Variants in PDE1A observed in about 807,000 individuals in gnomAD.
PDE1A encodes the protein dual specificity calcium/calmodulin-dependent 3',5'-cyclic nucleotide phosphodiesterase 1A.
In PDE1A, 35 loss-of-function variants were observed where a neutral mutation model predicts 61.7. That is an observed-to-expected ratio of 0.57 (90% CI 0.43 to 0.75). PDE1A has a LOEUF of 0.75. PDE1A is among the 30% of genes least tolerant of loss of function. The pLI is 0.00. For synonymous variants in PDE1A, 232 were observed against 213.2 expected (o/e 1.09, Z -0.77); for missense variants, 597 against 630.6 (o/e 0.95, Z 0.57).
chr2:182,577,804 C>G, the PDE1A span, among the ~76,000 whole-genome samples: 20 of 152,218 alleles, frequency 1.3e-4, no homozygotes, highest in South Asian at 4.1e-3. Context: ...CCTGTAATCC[C>G]AGCTACTCAG....
intron 2 of PDE1A, among the ~76,000 whole-genome samples, chr2:182,260,064 A>C (rs1692114521): frequency 6.6e-6 from 1 of 152,204 alleles, no homozygotes; most frequent in Non-Finnish European, 1.5e-5. Flanking sequence ...CAGAATTCAG[A>C]AACTTTTTAT....
chr2:182,598,873 G>A, the PDE1A span, among the ~76,000 whole-genome samples: 7 of 152,206 alleles, frequency 4.6e-5, no homozygotes, highest in African/African-American at 1.7e-4. Flanking sequence ...GGATTCTGTA[G>A]GTCAAGAATT....
intron 1 of PDE1A, among the ~76,000 whole-genome samples, chr2:182,389,549 TAAATA>T (rs991609383): frequency 1.3e-5 from 2 of 151,954 alleles, no homozygotes; most frequent in East Asian, 1.9e-4. Context: ...TAACATGCAA[TAAATA>T]AAATAAAACC....
chr2:182,645,791 C>T, the PDE1A span, among the ~76,000 whole-genome samples: 42 of 152,176 alleles, frequency 2.8e-4, no homozygotes, highest in African/African-American at 7.7e-4. Flanking sequence ...AAAGGTAAAA[C>T]GGTGAAGGTT....
chr2:182,288,740 T>C (rs1185077393), intron 1 of PDE1A, among the ~76,000 whole-genome samples: 4 of 151,986 alleles, frequency 2.6e-5, no homozygotes, highest in African/African-American at 9.7e-5. Flanking sequence ...CTTGTGGAAT[T>C]TCTGTGGATG....
the PDE1A span, among the ~76,000 whole-genome samples, chr2:182,586,258 C>T: frequency 6.6e-6 from 1 of 152,054 alleles, no homozygotes. Context: ...CAATGTAAAA[C>T]AGCAATTAAC....
At chr2:182,488,696 T>G (rs142430711) in intron 2 of PDE1A, among the ~76,000 whole-genome samples, 2 of 152,316 alleles carry the variant, frequency 1.3e-5, no homozygotes, top group African/African-American at 4.8e-5. Context: ...TCAAAAATAT[T>G]CTATTGTAAT....
At chr2:182,407,897 A>ATG (rs1702392954) in intron 1 of PDE1A, among the ~76,000 whole-genome samples, 1 of 152,166 alleles carries the variant, frequency 6.6e-6, no homozygotes, top group Non-Finnish European at 1.5e-5. Context: ...TATGTTATAT[A>ATG]TGTGTGTGTA....
At chr2:182,427,964 C>T (rs892315378), upstream of PDE1A, among the ~76,000 whole-genome samples, 8 of 152,198 alleles carry the variant, frequency 5.3e-5, no homozygotes, top group Admixed American at 4.6e-4. Context: ...TCAAATGTCA[C>T]AAAGGAGGAT....
At chr2:182,555,102 A>G in the PDE1A span, among the ~76,000 whole-genome samples, 1 of 152,206 alleles carries the variant, frequency 6.6e-6, no homozygotes, top group South Asian at 2.1e-4. Context: ...CTGGGCAATG[A>G]CTCAAATGGC....
the PDE1A span, among the ~76,000 whole-genome samples, chr2:182,619,947 G>GT: frequency 5.9e-5 from 9 of 151,456 alleles, no homozygotes; most frequent in East Asian, 7.8e-4. Context: ...ACTTCCAGAA[G>GT]TTTTTTTTTA....
At chr2:182,706,999 G>A in the PDE1A span, among the ~76,000 whole-genome samples, 1 of 152,194 alleles carries the variant, frequency 6.6e-6, no homozygotes, top group Non-Finnish European at 1.5e-5. Flanking sequence ...ACTGTTCATT[G>A]TGCCCCACAG....
chr2:182,154,620 C>T (rs576971527), intron 13 of PDE1A, among the ~76,000 whole-genome samples: 4 of 152,276 alleles, frequency 2.6e-5, no homozygotes, highest in East Asian at 3.9e-4. Flanking sequence ...CTTCTTGCCT[C>T]TCTTGCCTGC....
At chr2:182,706,093 C>T in the PDE1A span, among the ~76,000 whole-genome samples, 2 of 152,154 alleles carry the variant, frequency 1.3e-5, no homozygotes, top group Non-Finnish European at 2.9e-5. Context: ...TGTTGACTAT[C>T]AGGTATAACA....
At chr2:182,314,657 A>G (rs977148849) in intron 1 of PDE1A, 1 of 152,232 alleles carries the variant, frequency 6.6e-6, no homozygotes, top group Admixed American at 6.5e-5. Context: ...TCAAAAGCAG[A>G]TAAGTGGCTG....
intron 13 of PDE1A, among the ~76,000 whole-genome samples, chr2:182,171,232 A>AT (rs1692187129): frequency 6.6e-6 from 1 of 152,074 alleles, no homozygotes; most frequent in African/African-American, 2.4e-5. Context: ...AGTGATTAAC[A>AT]TTTTGAAAAA....
chr2:182,163,643 C>T (rs576798405), downstream of PDE1A, among the ~76,000 whole-genome samples: 1 of 152,118 alleles, frequency 6.6e-6, no homozygotes, highest in African/African-American at 2.4e-5. Flanking sequence ...AGAGTTGTTG[C>T]ATCTGGCCCC....
the PDE1A span, among the ~76,000 whole-genome samples, chr2:182,597,773 C>T: frequency 6.6e-6 from 1 of 152,214 alleles, no homozygotes; most frequent in Non-Finnish European, 1.5e-5. Context: ...CCTTCAATAT[C>T]TTCCCTACAA....
At chr2:182,507,855 A>C (rs967210848) in intron 2 of PDE1A, among the ~76,000 whole-genome samples, 1 of 152,166 alleles carries the variant, frequency 6.6e-6, no homozygotes, top group African/African-American at 2.4e-5. Flanking sequence ...TTAGAAAGGA[A>C]CCCATTAATC....
Sources: allele counts gnomAD v4.1 joint callset (sites outside exome capture counted in the v4.1 genomes callset), GRCh38; gene constraint gnomAD v4.1.1; transcripts MANE v1.5; gene names NCBI Gene and HGNC (gene_info 2026-07-23, HGNC 2026-07-21).